SERPINI1: variants seen among roughly 807,000 people sequenced by gnomAD.
The protein encoded by SERPINI1 is neuroserpin.
In SERPINI1, 19 loss-of-function variants were observed where a neutral mutation model predicts 41.1. The observed-to-expected ratio is 0.46, with a 90% CI of 0.32 to 0.68. The LOEUF is 0.68. SERPINI1 is among the 30% of genes least tolerant of loss of function. SERPINI1 has a pLI of 0.03. For missense variants in SERPINI1, 460 were observed against 479.2 expected (o/e 0.96, Z 0.37); for synonymous variants, 138 against 156.6 (o/e 0.88, Z 0.89).
chr3:167,777,890 T>G (rs1727010338), intron 1 of SERPINI1, among the ~76,000 whole-genome samples: 1 of 152,152 alleles, frequency 6.6e-6, no homozygotes, highest in African/African-American at 2.4e-5. Context: ...CCCTCAGGAA[T>G]GGATTAATGC....
At chr3:167,756,677 C>CT (rs962455904) in intron 1 of SERPINI1, among the ~76,000 whole-genome samples, 3 of 151,294 alleles carry the variant, frequency 2.0e-5, no homozygotes, top group East Asian at 1.9e-4. Context: ...GATAAGTCAT[C>CT]TTTTTTTTTG....
In SERPINI1 at chr3:167,743,061, C is replaced by T. The variant is rs1259592406; in HGVS notation, c.-19+7238C>T. ...AAAACTTGATGGTTCTATAATAAAT[C>T]TGCTTTAAATCTAAAAATATTCAGT... On this transcript the variant is annotated intron_variant, in intron 1 of 8. Coordinates refer to ENST00000446050, the MANE Select transcript of SERPINI1 (RefSeq NM_001122752.2). Among the ~76,000 whole-genome samples, 4 of 152,054 alleles carry T rather than the reference C, an allele frequency of 2.6e-5. No homozygotes were observed. In the East Asian group the frequency reaches 7.7e-4, roughly 29 times the overall value.
intron 4 of SERPINI1, 50 bp from the exon 5 acceptor site, chr3:167,794,569 CT>C (rs1210143705): frequency 1.2e-5 from 18 of 1,527,506 alleles, no homozygotes; most frequent in South Asian, 2.3e-5. Context: ...TCGCCCCCAG[CT>C]TTTTTTAAGC....
intron 1 of SERPINI1, among the ~76,000 whole-genome samples, chr3:167,788,643 A>T (rs1269112719): frequency 6.6e-6 from 1 of 152,162 alleles, no homozygotes; most frequent in African/African-American, 2.4e-5. Flanking sequence ...TATATGTCTG[A>T]TCTCCGCTCA....
chr3:167,793,791 C>T, intron 4 of SERPINI1, among the ~76,000 whole-genome samples: 1 of 136,692 alleles, frequency 7.3e-6, no homozygotes, highest in African/African-American at 2.9e-5. Context: ...GTAGATAAAA[C>T]TATATATACT....
At chr3:167,803,693 A>G (rs1235758994) in intron 5 of SERPINI1, among the ~76,000 whole-genome samples, 2 of 152,178 alleles carry the variant, frequency 1.3e-5, no homozygotes, top group East Asian at 3.8e-4. Context: ...GTGTGAAACA[A>G]ACTAAGCTGC....
chr3:167,757,395 T>C lies in SERPINI1; in HGVS notation c.-19+21572T>C, dbSNP rs1726226694. ...GAGTAAAGGAATTAATATGATCTCC[T>C]TGGTGTTACATAGGAATTTCTGTTA... On this transcript the variant is annotated intron_variant, in intron 1 of 8. Transcript: ENST00000446050. Among the ~76,000 whole-genome samples the C allele has an allele frequency of 1.3e-5, 2 of 152,216 alleles. 1 individual carries two copies. Among genetic ancestry groups the C allele is most frequent in the South Asian group, 4.1e-4 (2 of 4,830 alleles).
intron 6 of SERPINI1, among the ~76,000 whole-genome samples, chr3:167,808,159 A>AATAAATAAATAAATAG (rs1711723730): frequency 6.6e-6 from 1 of 151,400 alleles, no homozygotes; most frequent in Non-Finnish European, 1.5e-5. Context: ...TAAATAAATA[A>AATAAATAAATAAATAG]ATAGTGGTTT....
intron 1 of SERPINI1, among the ~76,000 whole-genome samples, chr3:167,737,009 G>GTT (rs893333220): frequency 6.7e-6 from 1 of 150,180 alleles, no homozygotes; most frequent in Non-Finnish European, 1.5e-5. Flanking sequence ...AATACTTTAT[G>GTT]TTTTTTTTTA....
chr3:167,755,492 C>G (rs1292755739), intron 1 of SERPINI1, among the ~76,000 whole-genome samples: 1 of 152,144 alleles, frequency 6.6e-6, no homozygotes, highest in Non-Finnish European at 1.5e-5. Flanking sequence ...TAGAGCTATA[C>G]TTTGTAAAAA....
intron 1 of SERPINI1, among the ~76,000 whole-genome samples, chr3:167,761,225 C>G (rs1389494352): frequency 1.3e-5 from 2 of 152,136 alleles, no homozygotes; most frequent in Non-Finnish European, 2.9e-5. Flanking sequence ...TTGAAGAACC[C>G]AAATAAAAAG....
At chr3:167,737,114 G>A (rs1725486644) in intron 1 of SERPINI1, among the ~76,000 whole-genome samples, 1 of 151,542 alleles carries the variant, frequency 6.6e-6, no homozygotes, top group Admixed American at 6.6e-5. Context: ...TTTTTGTAAT[G>A]CATCCCAAAT....
intron 6 of SERPINI1, among the ~76,000 whole-genome samples, chr3:167,818,739 CA>C (rs1320968616): frequency 6.6e-6 from 1 of 152,072 alleles, no homozygotes; most frequent in African/African-American, 2.4e-5. Flanking sequence ...TGCGAACAGG[CA>C]ATAAAGTAGG....
At chr3:167,820,508 T>C (rs533714785) in intron 6 of SERPINI1, among the ~76,000 whole-genome samples, 35 of 152,324 alleles carry the variant, frequency 2.3e-4, no homozygotes, top group East Asian at 3.9e-4. Flanking sequence ...CTGAGCAAAG[T>C]TGTGGCCCAG....
rs139553677 is a variant in SERPINI1, at chr3:167,744,788, T to TTA, written c.-19+8978_-19+8979dup. On this transcript the variant is annotated intron_variant, in intron 1 of 8. Transcript: ENST00000446050. ...AAATATATATTATATATAACTATGG[T>TTA]TATATATATATATAATATATAAATA... 4.9e-4 allele frequency among the ~76,000 whole-genome samples: 59 copies of TTA among 120,286 alleles called. 1 individual carries two copies. The highest frequency in any genetic ancestry group is 8.6e-4 in the East Asian group (4 of 4,670). The allele number at this position is 120,286 out of a possible 152,430, so 78.9% of individuals were successfully genotyped here.
At chr3:167,822,886 T>C in intron 6 of SERPINI1, 100 bp from the exon 7 acceptor site, 1 of 718,060 alleles carries the variant, frequency 1.4e-6, no homozygotes, top group Non-Finnish European at 2.6e-6. Context: ...TTTTCTTCAG[T>C]ATCCCAGTCT....
At chr3:167,743,495 A>G (rs1223767721) in intron 1 of SERPINI1, among the ~76,000 whole-genome samples, 1 of 152,108 alleles carries the variant, frequency 6.6e-6, no homozygotes, top group Non-Finnish European at 1.5e-5. Context: ...GCAAAATTGT[A>G]GTTGTCTTTG....
intron 6 of SERPINI1, among the ~76,000 whole-genome samples, chr3:167,810,297 A>C (rs1711825969): frequency 6.6e-6 from 1 of 152,124 alleles, no homozygotes; most frequent in Non-Finnish European, 1.5e-5. Flanking sequence ...ATACCCAGGA[A>C]AATTATTTGC....
chr3:167,803,503 G>A (rs569561791), intron 5 of SERPINI1, among the ~76,000 whole-genome samples: 33 of 152,152 alleles, frequency 2.2e-4, no homozygotes, highest in African/African-American at 7.7e-4. Flanking sequence ...CATGCCTCCT[G>A]CATGCTAGCA....
Sources: allele counts gnomAD v4.1 joint callset (sites outside exome capture counted in the v4.1 genomes callset), GRCh38; gene constraint gnomAD v4.1.1; transcripts MANE v1.5; gene names NCBI Gene and HGNC (gene_info 2026-07-23, HGNC 2026-07-21).